ZNF430: variants seen among roughly 807,000 people sequenced by gnomAD.
The protein encoded by ZNF430 is zinc finger protein 430.
ZNF430 carries 35 observed loss-of-function variants against 56.7 expected under a neutral mutation model. That is an observed-to-expected ratio of 0.62 (90% confidence interval 0.47 to 0.82). ZNF430 has a LOEUF of 0.82. Among genes scored for constraint, ZNF430 ranks in the 40% least tolerant of loss-of-function variants. The pLI is 0.00. For synonymous variants in ZNF430, 212 were observed against 224.3 expected (o/e 0.94, Z 0.49); for missense variants, 574 against 661.0 (o/e 0.87, Z 1.44).
At chr19:21,053,890 C>G (rs1968326297) in intron 4 of ZNF430, among the ~76,000 whole-genome samples, 1 of 151,636 alleles carries the variant, frequency 6.6e-6, no homozygotes, top group Non-Finnish European at 1.5e-5. Context: ...TGTTGATATA[C>G]TTTTACTTCT....
chr19:21,026,490 C>G (rs1967799361), intron 2 of ZNF430, among the ~76,000 whole-genome samples: 1 of 151,938 alleles, frequency 6.6e-6, no homozygotes, highest in African/African-American at 2.4e-5. Context: ...CCCGGCCAAT[C>G]TCTGACTTCT....
At chr19:21,045,535 G>A (rs771962180) in intron 4 of ZNF430, among the ~76,000 whole-genome samples, 6 of 152,200 alleles carry the variant, frequency 3.9e-5, no homozygotes, top group Non-Finnish European at 8.8e-5. Context: ...TTAGGAGAAT[G>A]TGTATTGTGT....
At chr19:21,021,011 G>T (rs904513209) in intron 1 of ZNF430, among the ~76,000 whole-genome samples, 7 of 152,168 alleles carry the variant, frequency 4.6e-5, no homozygotes, top group Admixed American at 3.9e-4. Context: ...TCTTCCTTGC[G>T]CAGTGACTGT....
chr19:21,024,606 C>T (rs979498441), intron 2 of ZNF430, among the ~76,000 whole-genome samples: 6 of 151,742 alleles, frequency 4.0e-5, no homozygotes, highest in African/African-American at 1.5e-4. Context: ...GGTGAAACCC[C>T]GTCTCTACTA....
chr19:21,025,033 G>T (rs1402135755), intron 2 of ZNF430, among the ~76,000 whole-genome samples: 3 of 152,048 alleles, frequency 2.0e-5, no homozygotes, highest in African/African-American at 4.8e-5. Flanking sequence ...TATCGGAAAG[G>T]GGTCACAATC....
At chr19:21,035,303 A>C (rs1967976147) in intron 4 of ZNF430, 1 of 152,124 alleles carries the variant, frequency 6.6e-6, no homozygotes, top group Admixed American at 6.6e-5. Flanking sequence ...TTATCATTTT[A>C]ATGCTATTTT....
In ZNF430 at chr19:21,056,966, C is replaced by A; in HGVS notation, c.658C>A (p.Leu220Ile). ...CAAATCGTTTTGCATGCTTTTACACCTAACTCAACATAAAAGAATTCATAT... is the reference window on the plus strand; with the variant it reads ...CAAATCGTTTTGCATGCTTTTACACATAACTCAACATAAAAGAATTCATAT... Reference protein sequence around the residue: ...CDKSFCMLLHLTQHKRIHIRE... With the variant: ...CDKSFCMLLHITQHKRIHIRE... Residue 220 changes from leucine (L) to isoleucine (I), a missense_variant, in exon 5 of 5, where the codon CTA becomes ATA. Transcript: ENST00000261560. 1 of 1,613,880 alleles carries A rather than the reference C, an allele frequency of 6.2e-7. No individual in the cohort carries two copies. Among genetic ancestry groups the A allele is most frequent in the Non-Finnish European group, 8.5e-7 (1 of 1,179,878 alleles).
At position 21,058,017 on chromosome 19, in the gene ZNF430, T is replaced by A; in HGVS notation, c.1709T>A (p.Met570Lys). ...TCATACTGGAGAGAAACCCTACAAA[T>A]GTGAAGATTGTGGCAAAGCCTCTAA... is the stretch of plus-strand genomic sequence containing the variant. ...SNSYWRETLQ[M>K] The change falls in exon 5 of 5, where the codon ATG (methionine) becomes AAG (lysine). Residue 570 changes from methionine (M) to lysine (K), a missense_variant. Physicochemically the swap from Met to Lys is moderately conservative, Grantham distance 95 (BLOSUM62 -1). Transcript: ENST00000261560. The A allele has an allele frequency of 6.2e-7, 1 of 1,610,184 alleles. No individual in the cohort carries two copies. Among genetic ancestry groups the A allele is most frequent in the Non-Finnish European group, 8.5e-7 (1 of 1,178,536 alleles).
chr19:21,057,606 A>T lies in ZNF430; in HGVS notation c.1298A>T (p.Gln433Leu), dbSNP rs778053833. 1 of 1,613,248 alleles carries T rather than the reference A, an allele frequency of 6.2e-7. No homozygotes were observed. Among genetic ancestry groups the T allele is most frequent in the East Asian group, 2.2e-5 (1 of 44,836 alleles). The part of the protein sequence containing the change: ...HTGEKPYKCE[Q>L]CGKAFNESSN... ...GGAGAGAAACCCTACAAATGTGAAC[A>T]ATGTGGCAAAGCTTTTAATGAGTCC... Residue 433 changes from glutamine (Q) to leucine (L), a missense_variant, in exon 5 of 5, where the codon CAA becomes CTA. Physicochemically the swap from Gln to Leu is moderately radical, Grantham distance 113. Transcript: ENST00000261560.
intron 2 of ZNF430, among the ~76,000 whole-genome samples, chr19:21,026,535 CT>C (rs1967799817): frequency 6.6e-6 from 1 of 152,106 alleles, no homozygotes; most frequent in African/African-American, 2.4e-5. Context: ...TCATAGGGAT[CT>C]TTCACCATTC....
chr19:21,045,140 T>G (rs540049116), intron 4 of ZNF430, among the ~76,000 whole-genome samples: 1 of 152,336 alleles, frequency 6.6e-6, no homozygotes, highest in African/African-American at 2.4e-5. Flanking sequence ...TGCTCTTGAT[T>G]CTCTTGTTCT....
Position 21,056,762 on chromosome 19 carries a change from G to A in ZNF430, c.454G>A (p.Val152Met), listed in dbSNP as rs141116955. The change falls in exon 5 of 5, where the codon GTG becomes ATG. Residue 152 changes from valine to methionine, a missense_variant. Physicochemically the swap from Val to Met is conservative, Grantham distance 21. Coordinates refer to ENST00000261560, the MANE Select transcript of ZNF430 (RefSeq NM_025189.4). The part of the protein sequence containing the change: ...DLQLRTGCKS[V>M]DECNLHKECY... ...ACAGTTAAGAACAGGCTGTAAAAGTGTGGATGAGTGTAATCTGCACAAAGA... is the reference window on the plus strand; with the variant it reads ...ACAGTTAAGAACAGGCTGTAAAAGTATGGATGAGTGTAATCTGCACAAAGA... The A allele has an allele frequency of 3.9e-4, 628 of 1,613,900 alleles. 1 individual carries two copies. Among genetic ancestry groups the A allele is most frequent in the Non-Finnish European group, 5.2e-4 (616 of 1,179,912 alleles).
At chr19:21,052,034 A>C (rs879698576) in intron 4 of ZNF430, among the ~76,000 whole-genome samples, 7 of 152,182 alleles carry the variant, frequency 4.6e-5, no homozygotes, top group Non-Finnish European at 1.0e-4. Flanking sequence ...ATTGAGCAGT[A>C]TGGACGTCTT....
chr19:21,021,822 G>GTTT (rs1967691706), intron 1 of ZNF430, among the ~76,000 whole-genome samples: 1 of 107,034 alleles, frequency 9.3e-6, no homozygotes, highest in African/African-American at 4.9e-5. Context: ...GCCTGAGTTA[G>GTTT]ATTTTTTTTT....
Position 21,039,755 on chromosome 19 carries a change from C to T in ZNF430, c.322+5571C>T, listed in dbSNP as rs918037337. ...TGCTGGCATTACAGGTGTGAGCCAC[C>T]GCACCCGGCCTACTTTTGCTTTTAA... On this transcript the variant is annotated intron_variant, in intron 4 of 4. Coordinates refer to ENST00000261560, the MANE Select transcript of ZNF430 (RefSeq NM_025189.4). 5.3e-5 allele frequency among the ~76,000 whole-genome samples: 8 copies of T among 152,016 alleles called. 1 individual carries two copies. Among genetic ancestry groups the T allele is most frequent in the African/African-American group, 1.7e-4 (7 of 41,384 alleles).
intron 2 of ZNF430, among the ~76,000 whole-genome samples, chr19:21,025,322 T>C (rs1599488426): frequency 6.6e-6 from 1 of 152,342 alleles, no homozygotes; most frequent in East Asian, 1.9e-4. Flanking sequence ...TAAACTGTCA[T>C]GGCACTGGTG....
chr19:21,040,902 A>C (rs933217190), intron 4 of ZNF430, among the ~76,000 whole-genome samples: 5 of 152,188 alleles, frequency 3.3e-5, no homozygotes, highest in African/African-American at 1.2e-4. Context: ...GCCATTATAT[A>C]ATATCAGTGT....
At chr19:21,037,863 A>T (rs1025212522) in intron 4 of ZNF430, among the ~76,000 whole-genome samples, 1 of 151,850 alleles carries the variant, frequency 6.6e-6, no homozygotes, top group East Asian at 1.9e-4. Context: ...TGCTTTTTCC[A>T]TTTGTGTATC....
chr19:21,037,340 A>G (rs1968020488), intron 4 of ZNF430, among the ~76,000 whole-genome samples: 1 of 146,854 alleles, frequency 6.8e-6, no homozygotes, highest in African/African-American at 2.7e-5. Context: ...CTGGTCTCAA[A>G]CTCCTGACCT....
Sources: gnomAD v4.1 joint callset for allele counts (sites outside exome capture counted in the v4.1 genomes callset) on GRCh38, gnomAD v4.1.1 for gene constraint, MANE v1.5 for transcripts, NCBI Gene and HGNC (gene_info 2026-07-23, HGNC 2026-07-21) for gene names.